The following RPP30 variants were observed in gnomAD, a reference collection of about 807,000 sequenced individuals.
RPP30 encodes the protein ribonuclease P protein subunit p30.
RPP30 carries 36 observed loss-of-function variants against 38.6 expected under a neutral mutation model. The ratio of observed to expected loss-of-function variants is 0.93; its 90% CI spans 0.71 to 1.23. RPP30 has a LOEUF of 1.23. Among genes scored for constraint, RPP30 ranks in the 50% most tolerant of loss-of-function variants. The probability of loss-of-function intolerance (pLI) is 0.00; values close to 1 mark genes in which losing one functional copy is unlikely to be tolerated. For missense variants in RPP30, 321 were observed against 321.7 expected, an observed-to-expected ratio of 1.00 and a Z score of 0.02; for synonymous variants, 126 against 112.7, an observed-to-expected ratio of 1.12 and a Z score of -0.75.
chr10:90,872,202 C>A, intron 1 of RPP30, 134 bp downstream of exon 1: 1 of 747,294 alleles, frequency 1.3e-6, no homozygotes, highest in Non-Finnish European at 2.4e-6. Context: ...GAGGCTGATG[C>A]CCGCCGAGGT....
intron 5 of RPP30, among the ~76,000 whole-genome samples, chr10:90,881,057 A>G (rs1359244053): frequency 6.6e-6 from 1 of 152,248 alleles, no homozygotes; most frequent in Non-Finnish European, 1.5e-5. Flanking sequence ...GATTTAGAAT[A>G]AAAGTTGCAG....
intron 10 of RPP30, among the ~76,000 whole-genome samples, chr10:90,899,887 C>G (rs1847181914): frequency 6.6e-6 from 1 of 152,200 alleles, no homozygotes; most frequent in Admixed American, 6.5e-5. Flanking sequence ...TGTATGGACA[C>G]AGTGCCTAGC....
chr10:90,903,577 A>G (rs921980988), downstream of RPP30, among the ~76,000 whole-genome samples: 2 of 152,210 alleles, frequency 1.3e-5, no homozygotes, highest in Admixed American at 6.5e-5. Flanking sequence ...CTTTCTATTC[A>G]TACATGTTTA....
intron 6 of RPP30, among the ~76,000 whole-genome samples, chr10:90,892,815 C>T (rs1847098510): frequency 6.6e-6 from 1 of 152,132 alleles, no homozygotes; most frequent in Non-Finnish European, 1.5e-5. Flanking sequence ...CCAGGTGCAC[C>T]GAGGTTCCTT....
At chr10:90,889,335 G>A (rs1278250399) in intron 6 of RPP30, among the ~76,000 whole-genome samples, 1 of 130,840 alleles carries the variant, frequency 7.6e-6, no homozygotes, top group Non-Finnish European at 1.6e-5. Flanking sequence ...TTGAGACAGA[G>A]TCTCGCTCTG....
At chr10:90,888,647 G>A (rs533409671) in intron 6 of RPP30, among the ~76,000 whole-genome samples, 2 of 152,246 alleles carry the variant, frequency 1.3e-5, no homozygotes, top group South Asian at 4.2e-4. Flanking sequence ...TGCCGTGAGG[G>A]AAGTGGGGCA....
intron 5 of RPP30, among the ~76,000 whole-genome samples, chr10:90,879,417 T>C (rs1261545424): frequency 1.3e-5 from 2 of 152,242 alleles, no homozygotes; most frequent in African/African-American, 2.4e-5. Context: ...AAACTTCTCT[T>C]AGCTAAGTGT....
intron 6 of RPP30, among the ~76,000 whole-genome samples, chr10:90,893,179 G>A (rs1028902248): frequency 3.9e-5 from 6 of 152,210 alleles, no homozygotes; most frequent in African/African-American, 1.2e-4. Flanking sequence ...TGGGAGCCTT[G>A]AAGCCGGAGG....
intron 8 of RPP30, 42 bp downstream of exon 8, chr10:90,895,525 A>G (rs771331974): frequency 1.6e-6 from 2 of 1,219,296 alleles, no homozygotes; most frequent in South Asian, 5.2e-5. Flanking sequence ...CTTTCAGGTT[A>G]TAAAACTTTT....
chr10:90,872,670 T>G (rs1008522041), intron 1 of RPP30, among the ~76,000 whole-genome samples: 3 of 152,220 alleles, frequency 2.0e-5, no homozygotes, highest in African/African-American at 7.2e-5. Flanking sequence ...ATGGGTTCTG[T>G]ATTCCGTAGA....
At chr10:90,902,242 G>GA, downstream of RPP30, 1 of 607,754 alleles carries the variant, frequency 1.6e-6, no homozygotes, top group Non-Finnish European at 2.1e-6. Flanking sequence ...TTTTGAGACA[G>GA]GGTCTCACTC....
At chr10:90,895,105 A>G (rs2120226212) in intron 7 of RPP30, 1 of 592,350 alleles carries the variant, frequency 1.7e-6, no homozygotes, top group African/African-American at 1.9e-5. Flanking sequence ...GTTGGAAGCC[A>G]TATCTTTTGA....
chr10:90,895,422 A>G (rs1486876179), intron 7 of RPP30, 32 bp from the exon 8 acceptor site: 5 of 1,227,948 alleles, frequency 4.1e-6, no homozygotes, highest in Non-Finnish European at 5.6e-6. Context: ...ACATTTATCT[A>G]AGATTAATAT....
At chr10:90,896,495 G>T in intron 10 of RPP30, 103 bp downstream of exon 10, 2 of 856,318 alleles carry the variant, frequency 2.3e-6, no homozygotes, top group Admixed American at 2.1e-5. Flanking sequence ...GTTCCTTTGG[G>T]ATCATCTTTT....
chr10:90,903,423 A>G (rs1847224135), downstream of RPP30: 3 of 588,500 alleles, frequency 5.1e-6, no homozygotes, highest in African/African-American at 3.8e-5. Context: ...TTTTCATGTT[A>G]TAGAAAGGAG....
intron 5 of RPP30, among the ~76,000 whole-genome samples, chr10:90,884,585 G>A (rs1846975240): frequency 6.6e-6 from 1 of 152,200 alleles, no homozygotes; most frequent in Non-Finnish European, 1.5e-5. Flanking sequence ...TATGAGCCAA[G>A]TATTTCTGCC....
intron 4 of RPP30, among the ~76,000 whole-genome samples, chr10:90,877,620 CAAAA>C (rs763564852): frequency 7.4e-6 from 1 of 134,588 alleles, no homozygotes; most frequent in African/African-American, 2.7e-5. Flanking sequence ...AGCAGACAGG[CAAAA>C]AAAAAAAAAG....
chr10:90,878,398 G>A (rs1351272447), intron 4 of RPP30, among the ~76,000 whole-genome samples: 2 of 152,056 alleles, frequency 1.3e-5, no homozygotes, highest in African/African-American at 4.8e-5. Context: ...CCATAATTCA[G>A]AGATTGTATG....
chr10:90,905,919 T>A (rs1847249624), downstream of RPP30: 1 of 152,188 alleles, frequency 6.6e-6, no homozygotes, highest in African/African-American at 2.4e-5. Flanking sequence ...AAATACCCAA[T>A]AATAACAGGA....
Sources: gnomAD v4.1 joint callset for allele counts (sites outside exome capture counted in the v4.1 genomes callset) on GRCh38, gnomAD v4.1.1 for gene constraint, MANE v1.5 for transcripts, NCBI Gene and HGNC (gene_info 2026-07-23, HGNC 2026-07-21) for gene names.